Variants in DLGAP4 observed in about 807,000 individuals in gnomAD.
DLGAP4 encodes the protein disks large-associated protein 4.
DLGAP4 carries 18 observed loss-of-function variants against 86.9 expected under a neutral mutation model. The ratio of observed to expected loss-of-function variants is 0.21; its 90% CI spans 0.14 to 0.31. The LOEUF (loss-of-function observed/expected upper bound fraction) is 0.31. Ranked by LOEUF, DLGAP4 falls within the 10% of genes least tolerant of loss-of-function variation. The pLI, the probability that DLGAP4 is intolerant of heterozygous loss-of-function variation, is 1.00. For synonymous variants in DLGAP4, 548 were observed against 574.3 expected, an observed-to-expected ratio of 0.95 and a Z score of 0.65; for missense variants, 1,085 against 1,362.6, an observed-to-expected ratio of 0.80 and a Z score of 3.21.
rs186327380 is a variant in DLGAP4 at position 36,357,999 on chromosome 20, C to T, written c.-303-9046C>T. The stretch of plus-strand genomic sequence containing the variant: ...GCTGGCTGGGTCCTGAGTGAACCTT[C>T]CCAAGAAGCAACTGTGGTGGATTCA... On this transcript the variant is annotated intron_variant, in intron 1 of 12. Coordinates refer to ENST00000339266, the MANE Select transcript of DLGAP4 (RefSeq NM_001365621.2). Among the ~76,000 whole-genome samples, 5 of 152,316 alleles carry T rather than the reference C, an allele frequency of 3.3e-5. No homozygotes were observed. The East Asian group carries it at 5.8e-4, about 18-fold the overall frequency.
intron 6 of DLGAP4, among the ~76,000 whole-genome samples, chr20:36,443,917 C>A (rs1313131425): frequency 6.6e-6 from 1 of 152,092 alleles, no homozygotes; most frequent in Non-Finnish European, 1.5e-5. Flanking sequence ...GGACTATTGC[C>A]CCATTTTATA....
intron 10 of DLGAP4, among the ~76,000 whole-genome samples, chr20:36,514,616 G>T (rs2036928410): frequency 6.6e-6 from 1 of 151,882 alleles, no homozygotes; most frequent in African/African-American, 2.4e-5. Flanking sequence ...ATCTCGCTTT[G>T]TTGCCTAGGC....
At chr20:36,389,961 G>A (rs1318493627) in intron 2 of DLGAP4, among the ~76,000 whole-genome samples, 1 of 152,204 alleles carries the variant, frequency 6.6e-6, no homozygotes, top group East Asian at 1.9e-4. Context: ...TGGTACTCTG[G>A]AGGCCATGAA....
In DLGAP4 at chr20:36,527,058, T is replaced by G; in HGVS notation, c.*27T>G. On this transcript the variant is annotated 3_prime_UTR_variant, in exon 13 of 13. Transcript: ENST00000339266. ...ACCATGCAGGAGGAAAGAAACGATT[T>G]TAAATCATTAAAAACACAAAAACTA... 6.4e-7 allele frequency: 1 copy of G among 1,560,430 alleles called. No individual in the cohort carries two copies. Among genetic ancestry groups the G allele is most frequent in the South Asian group, 1.1e-5 (1 of 86,986 alleles).
chr20:36,394,076 C>T (rs1017396055), intron 2 of DLGAP4, among the ~76,000 whole-genome samples: 4 of 152,182 alleles, frequency 2.6e-5, no homozygotes, highest in African/African-American at 9.7e-5. Context: ...GTCCCCTGTG[C>T]CTGGAAAATT....
rs2033605060 is a variant in DLGAP4 at position 36,446,856 on chromosome 20, CAGG to C, written c.1575_1577del (p.Glu525del). 1.2e-6 allele frequency: 2 copies of C among 1,613,198 alleles called. No homozygotes were observed. The highest frequency in any genetic ancestry group is 2.2e-5 in the East Asian group (1 of 44,882). On this transcript the variant is annotated inframe_deletion, in exon 7 of 13. Transcript: ENST00000339266. ...GCGTGCCATCCAGGCAGGCTGCTCG[CAGG>C]AGGAGGACAGTGTCTCCCTGCAGTC...
At chr20:36,368,836 A>G (rs6029633) in intron 2 of DLGAP4, among the ~76,000 whole-genome samples, 5,894 of 152,302 alleles carry the variant, frequency 0.039, 381 homozygotes, top group African/African-American at 0.13. Context: ...CGTTATTTCA[A>G]TTAAATTCCC....
intron 10 of DLGAP4, among the ~76,000 whole-genome samples, chr20:36,513,305 T>C (rs2147822118): frequency 1.3e-5 from 2 of 151,634 alleles, no homozygotes; most frequent in East Asian, 3.9e-4. Context: ...TCCCAGCACT[T>C]TGGGAGGCCG....
At chr20:36,359,380 T>C (rs2030439587) in intron 1 of DLGAP4, among the ~76,000 whole-genome samples, 1 of 152,074 alleles carries the variant, frequency 6.6e-6, no homozygotes, top group Non-Finnish European at 1.5e-5. Context: ...TATGGGAGAG[T>C]GCAGATTAGA....
intron 6 of DLGAP4, among the ~76,000 whole-genome samples, 159 bp downstream of exon 6, chr20:36,442,936 G>A (rs2033489729): frequency 6.6e-6 from 1 of 152,198 alleles, no homozygotes; most frequent in Non-Finnish European, 1.5e-5. Context: ...GGTCACATTG[G>A]TGTCCTGACT....
At chr20:36,412,630 G>T (rs1482507808) in intron 2 of DLGAP4, among the ~76,000 whole-genome samples, 2 of 152,178 alleles carry the variant, frequency 1.3e-5, no homozygotes, top group South Asian at 4.1e-4. Flanking sequence ...CCTTCATAGG[G>T]CTGATTGGAG....
intron 7 of DLGAP4, among the ~76,000 whole-genome samples, chr20:36,491,960 A>C (rs984913806): frequency 1.3e-5 from 2 of 152,166 alleles, no homozygotes; most frequent in African/African-American, 2.4e-5. Context: ...GACTCCTCCA[A>C]GCCCGTGGAC....
At position 36,527,225 on chromosome 20, in the gene DLGAP4, TACTC is replaced by T; in HGVS notation, c.*197_*200del. Reference sequence around the variant, plus strand: ...TCCCAGCTTTAGGTTATGAAGATTTTACTCACAAAAAAAATCAACAAAAATCACG... The same window carrying T: ...TCCCAGCTTTAGGTTATGAAGATTTTACAAAAAAAATCAACAAAAATCACG... On this transcript the variant is annotated 3_prime_UTR_variant, in exon 13 of 13. Transcript: ENST00000339266. The T allele has an allele frequency of 2.1e-6, 1 of 484,640 alleles. No homozygotes were observed. The highest frequency in any genetic ancestry group is 3.6e-6 in the Non-Finnish European group (1 of 281,318). The allele number at this position is 484,640 out of a possible 1,614,324, so 30.0% of individuals were successfully genotyped here.
chr20:36,409,497 G>C (rs1030134814), intron 2 of DLGAP4, among the ~76,000 whole-genome samples: 2 of 149,868 alleles, frequency 1.3e-5, no homozygotes, highest in Non-Finnish European at 3.0e-5. Context: ...GCTGAGGCGG[G>C]CAGATCACCC....
chr20:36,503,397 C>T (rs1283621455), intron 10 of DLGAP4, among the ~76,000 whole-genome samples: 1 of 151,920 alleles, frequency 6.6e-6, no homozygotes, highest in African/African-American at 2.4e-5. Flanking sequence ...GCTCCCACAG[C>T]CTTAGGCAAC....
At chr20:36,435,146 G>C (rs532452314) in intron 3 of DLGAP4, among the ~76,000 whole-genome samples, 3 of 152,138 alleles carry the variant, frequency 2.0e-5, no homozygotes, top group Admixed American at 2.0e-4. Flanking sequence ...GTACACTGGG[G>C]GTACTCACTG....
rs112122174 is a variant in DLGAP4, at chr20:36,323,522, T to C, written c.-304+17010T>C. On this transcript the variant is annotated intron_variant, in intron 1 of 12. Coordinates refer to ENST00000339266, the MANE Select transcript of DLGAP4 (RefSeq NM_001365621.2). ...CTATTGTTGATAGACTTTTGGAATA[T>C]TTCTAGTTTTTGACTATATGGATAG... 4.9e-3 allele frequency among the ~76,000 whole-genome samples: 754 copies of C among 152,330 alleles called. 7 individuals carry two copies. The highest frequency in any genetic ancestry group is 0.017 in the African/African-American group (690 of 41,564).
rs140633115 is a variant in DLGAP4, at chr20:36,376,785, G to A, written c.-73+9510G>A. 2.0e-3 allele frequency among the ~76,000 whole-genome samples: 304 copies of A among 152,280 alleles called. 1 individual carries two copies. The highest frequency in any genetic ancestry group is 3.7e-3 in the Non-Finnish European group (250 of 68,024). ...AGCCTGATGAGGCCTCCAGGGTCCC[G>A]CGTCTCTTCCCCTTGTGGAGCCTCA... On this transcript the variant is annotated intron_variant, in intron 2 of 12. Transcript: ENST00000339266.
chr20:36,461,734 C>CGTCCGTCT (rs2147617408), intron 7 of DLGAP4: 1 of 883,882 alleles, frequency 1.1e-6, no homozygotes, highest in Admixed American at 1.1e-4. Flanking sequence ...CCCGTCTGTC[C>CGTCCGTCT]GTCCGTCCGT....
Sources: allele counts gnomAD v4.1 joint callset (sites outside exome capture counted in the v4.1 genomes callset), GRCh38; gene constraint gnomAD v4.1.1; transcripts MANE v1.5; gene names NCBI Gene and HGNC (gene_info 2026-07-23, HGNC 2026-07-21).